Variants in RNF175 observed in about 807,000 individuals in gnomAD.
The protein encoded by RNF175 is ring finger protein 175.
A neutral mutation model predicts 50.0 loss-of-function variants in RNF175; 38 were observed. The observed-to-expected ratio is 0.76, with a 90% CI of 0.59 to 1.00. The LOEUF is 1.00. Among genes scored for constraint, RNF175 ranks in the 50% least tolerant of loss-of-function variants. RNF175 has a pLI of 0.00. For missense variants in RNF175, 388 were observed against 409.6 expected (o/e 0.95, Z 0.46); for synonymous variants, 155 against 146.1 (o/e 1.06, Z -0.44).
At chr4:153,713,604 C>T (rs1035987033) in intron 7 of RNF175, 4 of 152,082 alleles carry the variant, frequency 2.6e-5, no homozygotes, top group African/African-American at 7.2e-5. Flanking sequence ...TGAACAGCAA[C>T]GATGTAGAAG....
At chr4:153,718,230 G>GTTTTTTTTTTTTTTTTTT (rs1272804247) in intron 6 of RNF175, among the ~76,000 whole-genome samples, 6 of 31,864 alleles carry the variant, frequency 1.9e-4, no homozygotes, top group East Asian at 1.6e-3. Flanking sequence ...TTGTTTGTTT[G>GTTTTTTTTTTTTTTTTTT]TTTGTTTGTT....
intron 4 of RNF175, among the ~76,000 whole-genome samples, chr4:153,725,590 A>G (rs1214890856): frequency 6.6e-6 from 1 of 152,232 alleles, no homozygotes; most frequent in Non-Finnish European, 1.5e-5. Context: ...TAATGAAGCC[A>G]TAGCATGCTG....
intron 8 of RNF175, among the ~76,000 whole-genome samples, chr4:153,711,855 A>C (rs1737607053): frequency 6.6e-6 from 1 of 152,214 alleles, no homozygotes; most frequent in African/African-American, 2.4e-5. Flanking sequence ...TCTGATGTCT[A>C]TACAAATCTC....
rs1737471606 is a variant in RNF175 at position 153,710,253 on chromosome 4, A to G, written c.*116T>C. ...CCACATGGACAAATTGCTTGACAAC[A>G]AAGTTTACTTAGTTTTCTAAACACT... On this transcript the variant is annotated 3_prime_UTR_variant, in exon 9 of 9. Coordinates refer to ENST00000347063, the MANE Select transcript of RNF175 (RefSeq NM_173662.4). 3 of 786,854 alleles carry G rather than the reference A, an allele frequency of 3.8e-6. No homozygotes were observed. The highest frequency in any genetic ancestry group is 1.7e-5 in the African/African-American group (1 of 57,798). The allele number at this position is 786,854 out of a possible 1,614,324, so 48.7% of individuals were successfully genotyped here.
chr4:153,748,446 C>CA (rs1560793912), intron 3 of RNF175, 199 bp downstream of exon 3: 3 of 475,784 alleles, frequency 6.3e-6, no homozygotes, highest in Non-Finnish European at 1.1e-5. Flanking sequence ...TTTCACCCCC[C>CA]ACAAGTCTTG....
chr4:153,743,302 G>A (rs997445518), intron 3 of RNF175, among the ~76,000 whole-genome samples: 4 of 152,160 alleles, frequency 2.6e-5, no homozygotes, highest in Non-Finnish European at 5.9e-5. Flanking sequence ...AAAGCATGGG[G>A]CAAAGTCAAG....
chr4:153,721,212 A>T (rs973811425), intron 5 of RNF175, among the ~76,000 whole-genome samples: 23 of 152,268 alleles, frequency 1.5e-4, no homozygotes, highest in Admixed American at 1.2e-3. Context: ...TTTGCCATAA[A>T]TTTAATTTAT....
At chr4:153,713,907 TG>T (rs1737747198) in intron 7 of RNF175, 1 of 152,238 alleles carries the variant, frequency 6.6e-6, no homozygotes, top group Non-Finnish European at 1.5e-5. Flanking sequence ...TTCTCTCTAA[TG>T]TTCTTTTTCA....
chr4:153,719,685 C>CT (rs1298952434), intron 6 of RNF175, among the ~76,000 whole-genome samples: 1 of 152,114 alleles, frequency 6.6e-6, no homozygotes, highest in Non-Finnish European at 1.5e-5. Flanking sequence ...ATCTAGCATA[C>CT]TTTTTATATC....
intron 6 of RNF175, among the ~76,000 whole-genome samples, chr4:153,719,506 A>T (rs936220951): frequency 1.1e-4 from 16 of 152,238 alleles, no homozygotes; most frequent in African/African-American, 3.9e-4. Context: ...TTTTTAAGAT[A>T]TGCAAGAGTC....
chr4:153,759,347 A>G (rs1740711815), intron 1 of RNF175, among the ~76,000 whole-genome samples: 1 of 152,128 alleles, frequency 6.6e-6, no homozygotes, highest in Admixed American at 6.5e-5. Context: ...CGAGTTTGAG[A>G]ACCAGGGCGG....
At chr4:153,724,243 CAAG>C (rs1166424233) in intron 4 of RNF175, among the ~76,000 whole-genome samples, 7 of 152,290 alleles carry the variant, frequency 4.6e-5, no homozygotes, top group East Asian at 1.9e-4. Context: ...AAAAAAACTA[CAAG>C]AAGGACCATG....
chr4:153,754,577 C>T (rs1055021242), intron 1 of RNF175, among the ~76,000 whole-genome samples: 8 of 152,192 alleles, frequency 5.3e-5, no homozygotes, highest in Non-Finnish European at 8.8e-5. Flanking sequence ...TCCTAACCCC[C>T]AGTACCTGTG....
At chr4:153,738,828 C>A (rs2606342) in intron 3 of RNF175, among the ~76,000 whole-genome samples, 26,791 of 152,018 alleles carry the variant, frequency 0.18, 3,044 homozygotes, top group Non-Finnish European at 0.25. Context: ...CTGGTTTTAA[C>A]TGGGTATTTT....
chr4:153,722,597 G>A (rs1028378294), intron 5 of RNF175, among the ~76,000 whole-genome samples: 10 of 151,978 alleles, frequency 6.6e-5, no homozygotes, highest in South Asian at 2.1e-4. Context: ...GAGCCACGGC[G>A]CCCAGCCTCT....
chr4:153,728,664 C>A (rs756112307), intron 3 of RNF175, among the ~76,000 whole-genome samples: 2 of 152,150 alleles, frequency 1.3e-5, no homozygotes, highest in African/African-American at 4.8e-5. Context: ...TGATTTTGGA[C>A]AAGGGAGCCT....
Position 153,759,955 on chromosome 4 carries a change from C to G in RNF175, c.-93G>C, listed in dbSNP as rs898231834. The G allele has an allele frequency of 5.5e-6, 4 of 729,334 alleles. No homozygotes were observed. The highest frequency in any genetic ancestry group is 1.9e-5 in the African/African-American group (1 of 53,860). 45.2% of individuals were successfully genotyped at this position (729,334 alleles called of 1,614,324 possible). A position where few individuals can be genotyped will look rare whatever the true frequency, so the allele number is the denominator to read the frequency against. On this transcript the variant is annotated 5_prime_UTR_variant, in exon 1 of 9. Coordinates refer to ENST00000347063, the MANE Select transcript of RNF175 (RefSeq NM_173662.4). ...GGAGGCGCCGCGGGGCCTCGGGAGC[C>G]GAGGGTGAGAGCCGGATCTGCGGCG... is the stretch of plus-strand genomic sequence containing the variant.
chr4:153,759,906 G>A lies in RNF175; in HGVS notation c.-44C>T, dbSNP rs1740748820. On this transcript the variant is annotated 5_prime_UTR_variant, in exon 1 of 9. Transcript: ENST00000347063. ...TCTCCAGGGCACAGCGCCTGCCGGG[G>A]AGGGTCCCGCAGAGTCCGCAGAAGG... The A allele has an allele frequency of 7.9e-7, 1 of 1,263,452 alleles. No individual in the cohort carries two copies. 78.3% of individuals were successfully genotyped at this position (1,263,452 alleles called of 1,614,324 possible). A position where few individuals can be genotyped will look rare whatever the true frequency, so the allele number is the denominator to read the frequency against.
chr4:153,733,434 C>T (rs2127132641), intron 3 of RNF175, among the ~76,000 whole-genome samples: 1 of 152,286 alleles, frequency 6.6e-6, no homozygotes, highest in South Asian at 2.1e-4. Context: ...ACCTGGCTCC[C>T]ACTAGCTGCT....
Sources: allele counts gnomAD v4.1 joint callset (sites outside exome capture counted in the v4.1 genomes callset), GRCh38; gene constraint gnomAD v4.1.1; transcripts MANE v1.5; gene names NCBI Gene and HGNC (gene_info 2026-07-23, HGNC 2026-07-21).